Variants in UNC5C observed in about 807,000 individuals in gnomAD.
UNC5C encodes the protein netrin receptor UNC5C.
In UNC5C, 47 loss-of-function variants were observed where a neutral mutation model predicts 99.8. The observed-to-expected ratio is 0.47, with a 90% CI of 0.37 to 0.60. The LOEUF (loss-of-function observed/expected upper bound fraction) is 0.60, where lower values mean the gene tolerates loss of function less well. Ranked by LOEUF, UNC5C falls within the 20% of genes least tolerant of loss-of-function variation. UNC5C has a pLI of 0.00. For missense variants in UNC5C, 1,062 were observed against 1,165.9 expected (o/e 0.91, Z 1.30); for synonymous variants, 487 against 452.2 (o/e 1.08, Z -0.98).
intron 1 of UNC5C, among the ~76,000 whole-genome samples, chr4:95,421,460 T>C (rs1746317348): frequency 6.6e-6 from 1 of 151,794 alleles, no homozygotes; most frequent in South Asian, 2.1e-4. Context: ...ATTTGAATGC[T>C]TGTTGTTCTT....
intron 1 of UNC5C, among the ~76,000 whole-genome samples, chr4:95,357,491 CTA>C (rs1239058971): frequency 6.6e-6 from 1 of 151,036 alleles, no homozygotes; most frequent in Non-Finnish European, 1.5e-5. Flanking sequence ...TATTAAAAAA[CTA>C]AAATACTGTC....
intron 1 of UNC5C, among the ~76,000 whole-genome samples, chr4:95,389,684 A>G (rs1008336452): frequency 5.9e-5 from 9 of 152,170 alleles, no homozygotes. Flanking sequence ...TCAAATATAA[A>G]TTTTATGAAA....
At chr4:95,225,051 C>T (rs957256753) in intron 7 of UNC5C, among the ~76,000 whole-genome samples, 10 of 152,046 alleles carry the variant, frequency 6.6e-5, no homozygotes, top group African/African-American at 2.4e-4. Flanking sequence ...ACAGGCAGCA[C>T]CAGGTCACGT....
chr4:95,520,476 C>A (rs1722324237), intron 1 of UNC5C, among the ~76,000 whole-genome samples: 1 of 151,956 alleles, frequency 6.6e-6, no homozygotes, highest in African/African-American at 2.4e-5. Flanking sequence ...AATACTTTCG[C>A]CTAAGGAGAT....
chr4:95,516,383 C>T (rs1233103530), intron 1 of UNC5C, among the ~76,000 whole-genome samples: 1 of 152,112 alleles, frequency 6.6e-6, no homozygotes, highest in Non-Finnish European at 1.5e-5. Context: ...TTGGAATATC[C>T]TCCATTTCTT....
chr4:95,447,103 A>G (rs935489405), intron 1 of UNC5C, among the ~76,000 whole-genome samples: 8 of 152,192 alleles, frequency 5.3e-5, no homozygotes, highest in Non-Finnish European at 1.2e-4. Flanking sequence ...ATAATGTTGT[A>G]TTTTATCTAG....
intron 1 of UNC5C, among the ~76,000 whole-genome samples, chr4:95,527,383 T>C (rs1425205749): frequency 6.6e-6 from 1 of 152,078 alleles, no homozygotes; most frequent in Non-Finnish European, 1.5e-5. Flanking sequence ...CACAAAAATA[T>C]ACAACTGCAA....
At chr4:95,439,981 C>T (rs374077846) in intron 1 of UNC5C, among the ~76,000 whole-genome samples, 19 of 152,276 alleles carry the variant, frequency 1.2e-4, no homozygotes, top group African/African-American at 4.3e-4. Flanking sequence ...CCTACTCAAT[C>T]ATGCTGTTTA....
intron 1 of UNC5C, among the ~76,000 whole-genome samples, chr4:95,437,956 A>C (rs1362286625): frequency 6.6e-6 from 1 of 152,036 alleles, no homozygotes; most frequent in African/African-American, 2.4e-5. Context: ...CTGCAGGTAA[A>C]CTTTGCACAT....
rs1294691142 is a variant in UNC5C, at chr4:95,368,799, C to CA, written c.125-33169dup. Among the ~76,000 whole-genome samples, 3 of 152,068 alleles carry CA rather than the reference C, an allele frequency of 2.0e-5. No individual in the cohort carries two copies. In the East Asian group the frequency reaches 5.8e-4, roughly 29 times the overall value. The stretch of plus-strand genomic sequence containing the variant: ...TATATTTTATTTAACCCAAAATGTC[C>CA]AAAATATTGTTATTGCAAAATATAT... On this transcript the variant is annotated intron_variant, in intron 1 of 15. Coordinates refer to ENST00000453304, the MANE Select transcript of UNC5C (RefSeq NM_003728.4).
intron 1 of UNC5C, among the ~76,000 whole-genome samples, chr4:95,454,985 G>A (rs987856629): frequency 6.6e-6 from 1 of 152,046 alleles, no homozygotes; most frequent in African/African-American, 2.4e-5. Context: ...CCCAGAATGA[G>A]TTATTTCTCA....
chr4:95,471,385 A>T (rs1747964013), intron 1 of UNC5C, among the ~76,000 whole-genome samples: 2 of 152,178 alleles, frequency 1.3e-5, no homozygotes, highest in South Asian at 4.1e-4. Context: ...CAAAAAGGTC[A>T]TTAGAAATTA....
chr4:95,436,963 C>G (rs1426169628), intron 1 of UNC5C, among the ~76,000 whole-genome samples: 1 of 144,040 alleles, frequency 6.9e-6, no homozygotes, highest in Admixed American at 7.1e-5. Context: ...TGCCTTTAAT[C>G]GAACATAGAT....
At chr4:95,283,893 A>G (rs1741145151) in intron 3 of UNC5C, among the ~76,000 whole-genome samples, 1 of 152,226 alleles carries the variant, frequency 6.6e-6, no homozygotes, top group Admixed American at 6.5e-5. Context: ...GATTCTGCCA[A>G]TTAAAAGCTA....
intron 1 of UNC5C, among the ~76,000 whole-genome samples, chr4:95,431,258 G>A (rs76572702): frequency 6.6e-6 from 1 of 151,984 alleles, no homozygotes; most frequent in South Asian, 2.1e-4. Context: ...CTATAGTGAT[G>A]GTAGAAAGCA....
intron 3 of UNC5C, among the ~76,000 whole-genome samples, chr4:95,301,322 A>T (rs1741866238): frequency 6.6e-6 from 1 of 150,704 alleles, no homozygotes; most frequent in Non-Finnish European, 1.5e-5. Context: ...CAGCCTCCCG[A>T]GTAACTGGGA....
At chr4:95,460,344 G>A (rs1747564763) in intron 1 of UNC5C, among the ~76,000 whole-genome samples, 1 of 152,028 alleles carries the variant, frequency 6.6e-6, no homozygotes, top group Non-Finnish European at 1.5e-5. Flanking sequence ...TAAATAGTTA[G>A]CAACATGCTT....
At chr4:95,296,937 A>C (rs1369910040) in intron 3 of UNC5C, among the ~76,000 whole-genome samples, 1 of 152,114 alleles carries the variant, frequency 6.6e-6, no homozygotes, top group Non-Finnish European at 1.5e-5. Flanking sequence ...GCCTGGTCCC[A>C]CCTGTTGGAA....
chr4:95,308,408 G>C (rs759919225), intron 2 of UNC5C, among the ~76,000 whole-genome samples: 2 of 151,844 alleles, frequency 1.3e-5, no homozygotes, highest in Non-Finnish European at 2.9e-5. Flanking sequence ...AGATGAAAGA[G>C]CTGTACACTG....
Sources: gnomAD v4.1 joint callset for allele counts (sites outside exome capture counted in the v4.1 genomes callset) on GRCh38, gnomAD v4.1.1 for gene constraint, MANE v1.5 for transcripts, NCBI Gene and HGNC (gene_info 2026-07-23, HGNC 2026-07-21) for gene names.